The following C11orf65 variants were observed in gnomAD, a reference collection of about 807,000 sequenced individuals.
The protein encoded by C11orf65 is chromosome 11 open reading frame 65, also known as protein MFI.
Under a neutral mutation model 35.3 loss-of-function variants are expected in C11orf65, and 38 were observed. That is an observed-to-expected ratio of 1.08 (90% CI 0.83 to 1.41). C11orf65 has a LOEUF of 1.41. C11orf65 is among the 40% of genes most tolerant of loss of function. The probability of loss-of-function intolerance (pLI) is 0.00; values close to 1 mark genes in which losing one functional copy is unlikely to be tolerated. For missense variants in C11orf65, 370 were observed against 367.1 expected, an observed-to-expected ratio of 1.01 and a Z score of -0.06; for synonymous variants, 105 against 114.4, an observed-to-expected ratio of 0.92 and a Z score of 0.53.
At chr11:108,360,093 A>T (rs1446521369) in intron 2 of C11orf65, among the ~76,000 whole-genome samples, 1 of 151,774 alleles carries the variant, frequency 6.6e-6, no homozygotes, top group Non-Finnish European at 1.5e-5. Flanking sequence ...AATAGACACA[A>T]TAAAAAATGA....
chr11:108,366,600 G>T (rs2091345046), intron 2 of C11orf65: 1 of 230,410 alleles, frequency 4.3e-6, no homozygotes, highest in Non-Finnish European at 8.6e-6. Context: ...GTCTGTTTAT[G>T]TCATATTCCC....
intron 6 of C11orf65, among the ~76,000 whole-genome samples, chr11:108,397,970 A>G (rs2092357951): frequency 1.3e-5 from 2 of 152,178 alleles, no homozygotes; most frequent in African/African-American, 4.8e-5. Flanking sequence ...GGGCACATCA[A>G]AAGGAAGTAC....
At chr11:108,349,761 C>CT (rs778954156) in intron 2 of C11orf65, among the ~76,000 whole-genome samples, 1 of 152,112 alleles carries the variant, frequency 6.6e-6, no homozygotes, top group African/African-American at 2.4e-5. Flanking sequence ...TTGGTCCTTG[C>CT]TTTTTTAAGA....
At chr11:108,398,118 G>A (rs1461956609) in intron 6 of C11orf65, among the ~76,000 whole-genome samples, 4 of 151,626 alleles carry the variant, frequency 2.6e-5, no homozygotes, top group Admixed American at 1.3e-4. Context: ...GTAACGGGGA[G>A]CCCTTAACAT....
chr11:108,324,964 A>G (rs1200138027), intron 6 of C11orf65, among the ~76,000 whole-genome samples: 1 of 152,160 alleles, frequency 6.6e-6, no homozygotes, highest in Non-Finnish European at 1.5e-5. Flanking sequence ...AAGCAGGACT[A>G]AAGATGGAGG....
intron 2 of C11orf65, among the ~76,000 whole-genome samples, chr11:108,364,287 C>G (rs968347034): frequency 6.6e-6 from 1 of 152,140 alleles, no homozygotes; most frequent in African/African-American, 2.4e-5. Context: ...CCACTTATTA[C>G]TAAGATTTGT....
At chr11:108,426,855 T>G (rs972785705) in intron 3 of C11orf65, among the ~76,000 whole-genome samples, 1 of 151,562 alleles carries the variant, frequency 6.6e-6, no homozygotes, top group African/African-American at 2.4e-5. Context: ...ACACATCTCA[T>G]CCTTGACAAA....
chr11:108,397,520 T>C (rs2092345218), intron 6 of C11orf65, among the ~76,000 whole-genome samples: 1 of 152,112 alleles, frequency 6.6e-6, no homozygotes, highest in Admixed American at 6.5e-5. Context: ...AATCAAAGCT[T>C]AAGTTGCAAA....
intron 2 of C11orf65, among the ~76,000 whole-genome samples, chr11:108,441,767 G>A (rs1447658783): frequency 1.3e-5 from 2 of 152,206 alleles, no homozygotes; most frequent in Non-Finnish European, 2.9e-5. Flanking sequence ...GGTCCTATTA[G>A]AAGGAAAACT....
Position 108,317,359 on chromosome 11 carries a change from T to C in C11orf65, c.641-8288A>G, listed in dbSNP as rs1565502529. On this transcript the variant is annotated intron_variant, in intron 6 of 6. Transcript: ENST00000525729. The stretch of plus-strand genomic sequence containing the variant: ...TTGATTACTTAACTTAAAAACAAAA[T>C]AACTCCTGTTTAGGCCTTGCAGAAT... 1 of 1,608,500 alleles carries C rather than the reference T, an allele frequency of 6.2e-7. No homozygotes were observed. Among genetic ancestry groups the C allele is most frequent in the African/African-American group, 1.3e-5 (1 of 74,740 alleles).
At chr11:108,317,552 T>G (rs1457210857) in intron 6 of C11orf65, 1 of 1,558,788 alleles carries the variant, frequency 6.4e-7, no homozygotes, top group African/African-American at 1.5e-5. Flanking sequence ...TTTTTTTTTT[T>G]GCCTCTCTCC....
chr11:108,444,290 A>G (rs1412468626), intron 2 of C11orf65, among the ~76,000 whole-genome samples: 1 of 152,124 alleles, frequency 6.6e-6, no homozygotes, highest in African/African-American at 2.4e-5. Flanking sequence ...CCCTGAATAG[A>G]CCAATAACAG....
chr11:108,467,394 G>GTTGA (rs2093553624), intron 1 of C11orf65, 77 bp downstream of exon 1: 1 of 152,304 alleles, frequency 6.6e-6, no homozygotes, highest in Non-Finnish European at 1.5e-5. Context: ...AAACAACGAA[G>GTTGA]GCTCAAACCA....
chr11:108,436,336 T>C (rs1235630397), intron 2 of C11orf65, among the ~76,000 whole-genome samples: 1 of 150,544 alleles, frequency 6.6e-6, no homozygotes, highest in East Asian at 1.9e-4. Context: ...TGTGGCAATT[T>C]TTACAGTAGC....
intron 2 of C11orf65, among the ~76,000 whole-genome samples, chr11:108,348,452 G>T (rs1020978861): frequency 6.6e-6 from 1 of 150,606 alleles, no homozygotes; most frequent in Non-Finnish European, 1.5e-5. Context: ...AATATATATA[G>T]CTAAGAAATA....
Position 108,408,681 on chromosome 11 carries a change from A to ATAACATAACATAACATAACATAACATAAC in C11orf65, c.175-1533_175-1532insGTTATGTTATGTTATGTTATGTTATGTTA, listed in dbSNP as rs1565659726. 1.0e-3 allele frequency among the ~76,000 whole-genome samples: 67 copies of ATAACATAACATAACATAACATAACATAAC among 64,652 alleles called. 1 individual carries two copies. Among genetic ancestry groups the ATAACATAACATAACATAACATAACATAAC allele is most frequent in the African/African-American group, 3.7e-3 (57 of 15,504 alleles). 42.4% of individuals were successfully genotyped at this position (64,652 alleles called of 152,430 possible). A position where few individuals can be genotyped will look rare whatever the true frequency, so the allele number is the denominator to read the frequency against. ...ACAGAGACTCTGTCTCAATAAATAA[A>ATAACATAACATAACATAACATAACATAAC]ATAAAATAAAATAAAATAAAATAAA... On this transcript the variant is annotated intron_variant, in intron 3 of 8. Transcript: ENST00000393084.
intron 2 of C11orf65, chr11:108,347,319 T>A (rs2137081755): frequency 6.2e-7 from 1 of 1,611,804 alleles, no homozygotes; most frequent in East Asian, 2.2e-5. Flanking sequence ...ATGTACAGAA[T>A]ATCTTGATAA....
intron 6 of C11orf65, among the ~76,000 whole-genome samples, chr11:108,320,304 C>T (rs1470293709): frequency 6.6e-6 from 1 of 152,154 alleles, no homozygotes; most frequent in Non-Finnish European, 1.5e-5. Flanking sequence ...TTGTTCTCTT[C>T]CTATACAAGT....
intron 7 of C11orf65, among the ~76,000 whole-genome samples, chr11:108,392,520 T>C (rs1309954226): frequency 6.6e-6 from 1 of 152,220 alleles, no homozygotes; most frequent in Non-Finnish European, 1.5e-5. Context: ...CTCTTGGGTA[T>C]ATATCTAGGA....
Sources: allele counts gnomAD v4.1 joint callset (sites outside exome capture counted in the v4.1 genomes callset), GRCh38; gene constraint gnomAD v4.1.1; transcripts MANE v1.5; gene names NCBI Gene and HGNC (gene_info 2026-07-23, HGNC 2026-07-21).